Variants in ARHGAP26 observed in about 807,000 individuals in gnomAD.
ARHGAP26 encodes the protein rho GTPase-activating protein 26.
In ARHGAP26, 38 loss-of-function variants were observed where a neutral mutation model predicts 104.8. The ratio of observed to expected loss-of-function variants is 0.36; its 90% CI spans 0.28 to 0.48. The LOEUF (loss-of-function observed/expected upper bound fraction) is 0.48, where lower values mean the gene tolerates loss of function less well. Ranked by LOEUF, ARHGAP26 falls within the 20% of genes least tolerant of loss-of-function variation. The pLI is 0.99. For synonymous variants in ARHGAP26, 341 were observed against 340.0 expected (o/e 1.00, Z -0.03); for missense variants, 704 against 947.9 (o/e 0.74, Z 3.38).
At chr5:142,960,922 T>C (rs1598399530) in intron 11 of ARHGAP26, among the ~76,000 whole-genome samples, 1 of 152,352 alleles carries the variant, frequency 6.6e-6, no homozygotes, top group East Asian at 1.9e-4. Flanking sequence ...CTCTTTCTTC[T>C]TCAGATCTCA....
At chr5:142,997,152 G>GTA (rs745417163) in intron 11 of ARHGAP26, among the ~76,000 whole-genome samples, 89 of 151,618 alleles carry the variant, frequency 5.9e-4, no homozygotes, top group African/African-American at 1.4e-3. Flanking sequence ...GTATGTGCAT[G>GTA]TATATATATA....
chr5:143,042,785 A>G (rs148286589), intron 14 of ARHGAP26, among the ~76,000 whole-genome samples: 259 of 152,224 alleles, frequency 1.7e-3, no homozygotes, highest in Middle Eastern at 6.8e-3. Context: ...CTCTTCTCTC[A>G]TGTTGGCCAG....
chr5:142,903,743 A>G (rs2152458497), intron 8 of ARHGAP26, 74 bp downstream of exon 8: 1 of 1,492,190 alleles, frequency 6.7e-7, no homozygotes, highest in East Asian at 2.4e-5. Context: ...TGTATTCAGC[A>G]GTGCCTACCT....
chr5:142,841,459 A>C (rs931130260), intron 1 of ARHGAP26, among the ~76,000 whole-genome samples: 2 of 152,190 alleles, frequency 1.3e-5, no homozygotes, highest in Non-Finnish European at 2.9e-5. Context: ...GGAGCTGAGG[A>C]TGCAGCGGTT....
intron 18 of ARHGAP26, among the ~76,000 whole-genome samples, chr5:143,127,472 T>C (rs1373388792): frequency 2.0e-5 from 3 of 152,214 alleles, no homozygotes; most frequent in African/African-American, 4.8e-5. Flanking sequence ...GTGTTGATCA[T>C]TGAGCTGTTA....
chr5:143,217,573 A>T (rs939373998), intron 22 of ARHGAP26, among the ~76,000 whole-genome samples: 1 of 152,188 alleles, frequency 6.6e-6, no homozygotes, highest in African/African-American at 2.4e-5. Flanking sequence ...ATTCATTCCC[A>T]TGGTACCTAA....
chr5:143,001,537 T>C (rs1022820153), intron 11 of ARHGAP26, among the ~76,000 whole-genome samples: 2 of 152,268 alleles, frequency 1.3e-5, no homozygotes, highest in Non-Finnish European at 2.9e-5. Context: ...GCATGTTTAC[T>C]GTCTCTTCTT....
chr5:142,924,099 C>A lies in ARHGAP26; in HGVS notation c.1029-7948C>A, dbSNP rs1337469788. 2.6e-5 allele frequency among the ~76,000 whole-genome samples: 4 copies of A among 151,914 alleles called. No homozygotes were observed. In the East Asian group the frequency reaches 7.7e-4, roughly 29 times the overall value. On this transcript the variant is annotated intron_variant, in intron 10 of 22. Transcript: ENST00000645722. ...GGATGGTCTCGATCTCCTGACCTCG[C>A]GATCCACCCGCCTCGGCATCCCAAA...
chr5:143,031,204 G>A (rs1781787113), intron 12 of ARHGAP26, among the ~76,000 whole-genome samples: 1 of 152,238 alleles, frequency 6.6e-6, no homozygotes, highest in Admixed American at 6.5e-5. Flanking sequence ...GGAGGGCCAG[G>A]CAGGGCCCCG....
At chr5:142,899,402 A>G (rs1168307722) in intron 6 of ARHGAP26, among the ~76,000 whole-genome samples, 1 of 152,218 alleles carries the variant, frequency 6.6e-6, no homozygotes, top group Non-Finnish European at 1.5e-5. Flanking sequence ...GTTGTCAGCT[A>G]GGAAGTAGGA....
intron 20 of ARHGAP26, among the ~76,000 whole-genome samples, chr5:143,159,670 C>G (rs1164026200): frequency 1.3e-5 from 2 of 152,120 alleles, no homozygotes; most frequent in Non-Finnish European, 2.9e-5. Context: ...TGAAGCCTCC[C>G]AAGTGATTTT....
At chr5:143,211,729 G>A (rs1022562911) in intron 21 of ARHGAP26, among the ~76,000 whole-genome samples, 1 of 151,718 alleles carries the variant, frequency 6.6e-6, no homozygotes, top group Admixed American at 6.6e-5. Flanking sequence ...ATCATGCCTG[G>A]CTAATTTTTT....
At chr5:143,178,284 G>A (rs1229895645) in intron 20 of ARHGAP26, among the ~76,000 whole-genome samples, 3 of 152,124 alleles carry the variant, frequency 2.0e-5, no homozygotes, top group East Asian at 3.9e-4. Flanking sequence ...ACAGGCGTGA[G>A]CCACCGTGCC....
At chr5:142,877,091 A>G (rs940857501) in intron 3 of ARHGAP26, among the ~76,000 whole-genome samples, 5 of 152,162 alleles carry the variant, frequency 3.3e-5, no homozygotes, top group African/African-American at 1.2e-4. Context: ...GCAGATTGCT[A>G]TGGCCTGTGG....
intron 12 of ARHGAP26, among the ~76,000 whole-genome samples, chr5:143,021,221 T>C (rs1000456554): frequency 1.3e-5 from 2 of 152,264 alleles, no homozygotes; most frequent in African/African-American, 2.4e-5. Flanking sequence ...AATTTTAATT[T>C]AACTGGCATT....
chr5:143,076,456 C>T (rs916450448), intron 17 of ARHGAP26, among the ~76,000 whole-genome samples: 1 of 152,096 alleles, frequency 6.6e-6, no homozygotes, highest in Non-Finnish European at 1.5e-5. Context: ...TAATTTGGAG[C>T]ATACATACTT....
intron 19 of ARHGAP26, among the ~76,000 whole-genome samples, chr5:143,136,772 C>G (rs1401227189): frequency 1.3e-5 from 2 of 152,158 alleles, no homozygotes; most frequent in African/African-American, 4.8e-5. Flanking sequence ...CACACTTCAC[C>G]TTTCTCTTTG....
chr5:142,891,287 A>G (rs919470246), intron 5 of ARHGAP26, among the ~76,000 whole-genome samples: 7 of 151,936 alleles, frequency 4.6e-5, no homozygotes, highest in Non-Finnish European at 1.0e-4. Flanking sequence ...GTGCTCAGAT[A>G]TCTCCTTTCC....
At chr5:142,918,677 A>C (rs1347361098) in intron 10 of ARHGAP26, among the ~76,000 whole-genome samples, 1 of 152,028 alleles carries the variant, frequency 6.6e-6, no homozygotes, top group Non-Finnish European at 1.5e-5. Context: ...GGGATGTTCA[A>C]ACCTGAACTA....
Sources: gnomAD v4.1 joint callset for allele counts (sites outside exome capture counted in the v4.1 genomes callset) on GRCh38, gnomAD v4.1.1 for gene constraint, MANE v1.5 for transcripts, NCBI Gene and HGNC (gene_info 2026-07-23, HGNC 2026-07-21) for gene names.